Variants in UBR2 observed in about 807,000 individuals in gnomAD.
UBR2 encodes E3 ubiquitin-protein ligase UBR2.
A neutral mutation model predicts 247.9 loss-of-function variants in UBR2; 92 were observed. The ratio of observed to expected loss-of-function variants is 0.37; its 90% CI spans 0.31 to 0.44. UBR2 has a LOEUF of 0.44. Ranked by LOEUF, UBR2 falls within the 20% of genes least tolerant of loss-of-function variation. The probability of loss-of-function intolerance (pLI) is 1.00; values close to 1 mark genes in which losing one functional copy is unlikely to be tolerated. For missense variants in UBR2, 1,613 were observed against 2,112.6 expected (o/e 0.76, Z 4.64); for synonymous variants, 672 against 693.5 (o/e 0.97, Z 0.49).
chr6:42,654,583 A>G (rs950855503), intron 25 of UBR2, among the ~76,000 whole-genome samples: 21 of 152,048 alleles, frequency 1.4e-4, no homozygotes, highest in African/African-American at 4.8e-4. Context: ...AAATTAGCCA[A>G]TCGTCATGGC....
rs577556881 is a variant in UBR2, at chr6:42,654,108, CA to C, written c.2769+1464del. ...CCTCCTCGGGAGGCTGAGTAGCTAT[CA>C]TTCTTTCTTTTTGTCTCACTGGCTA... On this transcript the variant is annotated intron_variant, in intron 25 of 46. Transcript: ENST00000372901. Among the ~76,000 whole-genome samples the C allele has an allele frequency of 2.4e-4, 37 of 152,246 alleles. No individual in the cohort carries two copies. In the South Asian group the frequency reaches 7.7e-3, roughly 32 times the overall value.
At chr6:42,640,176 G>T in intron 15 of UBR2, 33 bp from the exon 16 acceptor site, 1 of 1,563,848 alleles carries the variant, frequency 6.4e-7, no homozygotes, top group South Asian at 1.2e-5. Context: ...TTTACTGATA[G>T]AAATACTGTT....
intron 12 of UBR2, 27 bp from the exon 13 acceptor site, chr6:42,632,778 T>G (rs371237767): frequency 1.2e-4 from 198 of 1,590,654 alleles, no homozygotes; most frequent in Non-Finnish European, 1.6e-4. Flanking sequence ...TTATGTTAAT[T>G]GCCACTGTCA....
chr6:42,606,547 G>A, intron 6 of UBR2, 42 bp from the exon 7 acceptor site: 1 of 1,532,376 alleles, frequency 6.5e-7, no homozygotes, highest in Non-Finnish European at 9.0e-7. Flanking sequence ...TATTAATATT[G>A]AATACAATAC....
intron 11 of UBR2, among the ~76,000 whole-genome samples, chr6:42,623,824 T>C (rs1054419280): frequency 6.6e-6 from 1 of 152,180 alleles, no homozygotes; most frequent in African/African-American, 2.4e-5. Context: ...GATGGTATGA[T>C]CAAGTGGTTT....
rs571692434 is a variant in UBR2, at chr6:42,663,440, A to G, written c.3698+21A>G. The G allele has an allele frequency of 1.6e-5, 26 of 1,593,288 alleles. 1 individual carries two copies. In the South Asian group the frequency reaches 2.7e-4, roughly 17 times the overall value. On this transcript the variant is annotated intron_variant, in intron 32 of 46. Coordinates refer to ENST00000372901, the MANE Select transcript of UBR2 (RefSeq NM_001363705.2). ...AACAAGTAAGTTTTGGCTCATGACA[A>G]CTATTACAAAGCAATAGTTTGCTTT...
Position 42,637,120 on chromosome 6 carries a change from C to G in UBR2, c.1784C>G (p.Ser595Ter), listed in dbSNP as rs1295096028. 6.2e-7 allele frequency: 1 copy of G among 1,614,100 alleles called. No homozygotes were observed. Among genetic ancestry groups the G allele is most frequent in the Admixed American group, 1.7e-5 (1 of 60,012 alleles). ...QPITLSICGHSVETIRYCVSQ... is the reference protein window; with the variant it reads ...QPITLSICGH ...ATCACACTAAGCATTTGTGGACATT[C>G]AGTGGAAACTATCAGATACTGTGTT... is the stretch of plus-strand genomic sequence containing the variant. Residue 595 changes from serine to a stop codon, truncating the protein, a stop_gained, in exon 15 of 47, where the codon TCA becomes TGA. Transcript: ENST00000372901. LOFTEE classifies it high-confidence loss of function.
chr6:42,680,338 A>C (rs1030228614), intron 42 of UBR2, among the ~76,000 whole-genome samples: 1 of 152,240 alleles, frequency 6.6e-6, no homozygotes, highest in African/African-American at 2.4e-5. Flanking sequence ...ACTTTTTGCC[A>C]AGCTAGTGAA....
intron 4 of UBR2, among the ~76,000 whole-genome samples, chr6:42,596,734 G>C (rs1172775486): frequency 6.6e-6 from 1 of 152,144 alleles, no homozygotes; most frequent in Non-Finnish European, 1.5e-5. Context: ...GACTCAAAAG[G>C]TCACATATTG....
intron 38 of UBR2, among the ~76,000 whole-genome samples, chr6:42,675,380 A>ATT (rs1798662097): frequency 6.6e-6 from 1 of 151,758 alleles, no homozygotes; most frequent in South Asian, 2.1e-4. Flanking sequence ...AAAACAGCTC[A>ATT]TAAGAGGAGG....
At chr6:42,583,852 T>C (rs566153735) in intron 2 of UBR2, among the ~76,000 whole-genome samples, 26 of 152,086 alleles carry the variant, frequency 1.7e-4, no homozygotes, top group Non-Finnish European at 2.4e-4. Flanking sequence ...ATGTAAACTT[T>C]GTGATTTTAG....
At position 42,682,794 on chromosome 6, in the gene UBR2, T is replaced by G. The variant is rs1371195277; in HGVS notation, c.4719-261T>G. On this transcript the variant is annotated intron_variant, in intron 42 of 46. Transcript: ENST00000372901. ...ATTAATACAAATTAATATAGACTAGTTTTTCTAGAGTATCCAAATTAGTAA... is the reference window on the plus strand; with the variant it reads ...ATTAATACAAATTAATATAGACTAGGTTTTCTAGAGTATCCAAATTAGTAA... 5.3e-5 allele frequency among the ~76,000 whole-genome samples: 8 copies of G among 152,224 alleles called. 1 individual carries two copies. In the East Asian group the frequency reaches 1.3e-3, roughly 26 times the overall value.
intron 11 of UBR2, among the ~76,000 whole-genome samples, chr6:42,632,065 A>ATATATAT (rs1258390499): frequency 6.0e-5 from 4 of 66,642 alleles, no homozygotes; most frequent in African/African-American, 2.5e-4. Context: ...TTAAAAAAAA[A>ATATATAT]AAAAATATAT....
chr6:42,602,005 G>A lies in UBR2; in HGVS notation c.532-1583G>A, dbSNP rs575671999. ...CTGCCTCAGCCTCCTAAGTAGCTGG[G>A]ATTACAGGCACCACCACCACACTCA... On this transcript the variant is annotated intron_variant, in intron 4 of 46. Coordinates refer to ENST00000372901, the MANE Select transcript of UBR2 (RefSeq NM_001363705.2). Among the ~76,000 whole-genome samples the A allele has an allele frequency of 2.3e-4, 22 of 96,540 alleles. 4 individuals carry two copies. Among genetic ancestry groups the A allele is most frequent in the African/African-American group, 8.3e-4 (20 of 24,242 alleles). 63.3% of individuals were successfully genotyped at this position (96,540 alleles called of 152,430 possible).
At chr6:42,631,043 A>G (rs1289818519) in intron 11 of UBR2, among the ~76,000 whole-genome samples, 1 of 152,102 alleles carries the variant, frequency 6.6e-6, no homozygotes, top group Non-Finnish European at 1.5e-5. Flanking sequence ...GGCTCAAATA[A>G]TCCGCCTGCC....
At chr6:42,661,118 C>A (rs1046843352) in intron 30 of UBR2, among the ~76,000 whole-genome samples, 15 of 151,726 alleles carry the variant, frequency 9.9e-5, no homozygotes, top group Middle Eastern at 3.4e-3. Flanking sequence ...ACAGTGAAAC[C>A]CCATCTCTAC....
chr6:42,681,544 A>G (rs1434589912), intron 42 of UBR2, among the ~76,000 whole-genome samples: 2 of 151,932 alleles, frequency 1.3e-5, no homozygotes, highest in East Asian at 3.9e-4. Context: ...ACACTGACAT[A>G]CCACTTCACA....
At chr6:42,688,813 A>G (rs1186384314) in intron 45 of UBR2, among the ~76,000 whole-genome samples, 1 of 152,226 alleles carries the variant, frequency 6.6e-6, no homozygotes, top group Non-Finnish European at 1.5e-5. Flanking sequence ...AGGATGCAGT[A>G]GTCCACAGTG....
chr6:42,625,939 A>C (rs933326281), intron 11 of UBR2, among the ~76,000 whole-genome samples: 1 of 150,218 alleles, frequency 6.7e-6, no homozygotes, highest in Non-Finnish European at 1.5e-5. Context: ...TCAGCCTCCC[A>C]AGTAGCTGGG....
Sources: allele counts gnomAD v4.1 joint callset (sites outside exome capture counted in the v4.1 genomes callset), GRCh38; gene constraint gnomAD v4.1.1; transcripts MANE v1.5; gene names NCBI Gene and HGNC (gene_info 2026-07-23, HGNC 2026-07-21).